Variants in RPN2 observed in about 807,000 individuals in gnomAD.
RPN2 encodes ribophorin II, also known as dolichyl-diphosphooligosaccharide--protein glycosyltransferase subunit 2.
In RPN2, 29 loss-of-function variants were observed where a neutral mutation model predicts 71.4. The ratio of observed to expected loss-of-function variants is 0.41; its 90% confidence interval spans 0.30 to 0.55. RPN2 has a LOEUF of 0.55. RPN2 is among the 20% of genes least tolerant of loss of function. The pLI is 0.35. For missense variants in RPN2, 726 were observed against 774.1 expected, an observed-to-expected ratio of 0.94 and a Z score of 0.74; for synonymous variants, 308 against 305.0, an observed-to-expected ratio of 1.01 and a Z score of -0.10.
rs1386909420 is a variant in RPN2 at position 37,191,894 on chromosome 20, C to G, written c.208-6503C>G. Among the ~76,000 whole-genome samples, 3 of 151,768 alleles carry G rather than the reference C, an allele frequency of 2.0e-5. No homozygotes were observed. The East Asian group carries it at 5.8e-4, about 29-fold the overall frequency. The stretch of plus-strand genomic sequence containing the variant: ...GTCAGGAGTTGGAGACTAGCCTGGG[C>G]AACATAGTGAGACACCCGCCCCCCA... On this transcript the variant is annotated intron_variant, in intron 2 of 16. Coordinates refer to ENST00000237530, the MANE Select transcript of RPN2 (RefSeq NM_002951.5).
Position 37,198,430 on chromosome 20 carries a change from C to G in RPN2, c.241C>G (p.Pro81Ala). Residue 81 changes from proline to alanine, a missense_variant, in exon 3 of 17, where the codon CCC becomes GCC. Transcript: ENST00000237530. ...TACCTACATCAGATCTAACCTTGAT[C>G]CCAGCAATGTGGATTCCCTCTTCTA... The part of the protein sequence containing the change: ...ACTYIRSNLD[P>A]SNVDSLFYAA... The G allele has an allele frequency of 6.2e-7, 1 of 1,614,232 alleles. No individual in the cohort carries two copies. The highest frequency in any genetic ancestry group is 1.3e-5 in the African/African-American group (1 of 75,046).
chr20:37,232,449 A>G (rs2068279131), intron 14 of RPN2, 58 bp downstream of exon 14: 2 of 1,592,790 alleles, frequency 1.3e-6, no homozygotes, highest in South Asian at 2.2e-5. Context: ...CAGCAGATGC[A>G]TTCCTTCCAA....
chr20:37,233,760 A>G (rs2068310651), intron 14 of RPN2, among the ~76,000 whole-genome samples: 1 of 152,246 alleles, frequency 6.6e-6, no homozygotes, highest in Non-Finnish European at 1.5e-5. Flanking sequence ...AGGGTTTGTC[A>G]TCATTAAAAA....
chr20:37,211,428 CA>C (rs2067662834), intron 8 of RPN2, among the ~76,000 whole-genome samples: 1 of 150,774 alleles, frequency 6.6e-6, no homozygotes, highest in Non-Finnish European at 1.5e-5. Context: ...CACTTGAGGT[CA>C]GGAGCTCGAG....
At chr20:37,184,061 G>A (rs969687030) in intron 1 of RPN2, 119 bp from the exon 2 acceptor site, 48 of 1,221,406 alleles carry the variant, frequency 3.9e-5, no homozygotes, top group Middle Eastern at 2.0e-4. Context: ...TAAACCCCTG[G>A]ATTCCCTCGC....
At chr20:37,190,433 T>C (rs897738247) in intron 2 of RPN2, among the ~76,000 whole-genome samples, 4 of 152,220 alleles carry the variant, frequency 2.6e-5, no homozygotes, top group African/African-American at 9.7e-5. Flanking sequence ...ACTTCACACC[T>C]GAGTCACCTG....
intron 15 of RPN2, 63 bp from the exon 16 acceptor site, chr20:37,236,517 T>G: frequency 6.3e-7 from 1 of 1,588,628 alleles, no homozygotes; most frequent in Non-Finnish European, 8.6e-7. Context: ...TGTCTAACTT[T>G]CCTCAACCGC....
chr20:37,182,069 TTC>T (rs1350719369), intron 1 of RPN2, among the ~76,000 whole-genome samples: 3 of 152,098 alleles, frequency 2.0e-5, no homozygotes, highest in Admixed American at 1.3e-4. Context: ...GATAGATTTT[TTC>T]TTTTTTTAAT....
At chr20:37,232,223 G>C (rs2068266670) in intron 13 of RPN2, 73 bp from the exon 14 acceptor site, 1 of 1,566,870 alleles carries the variant, frequency 6.4e-7, no homozygotes, top group African/African-American at 1.4e-5. Flanking sequence ...TTGATGCTTT[G>C]GTCCCCGGTA....
chr20:37,217,081 C>T (rs1354790976), intron 9 of RPN2, among the ~76,000 whole-genome samples: 2 of 151,642 alleles, frequency 1.3e-5, no homozygotes, highest in Non-Finnish European at 2.9e-5. Flanking sequence ...CAGGCATGCA[C>T]CACCATGCCC....
chr20:37,181,827 C>T (rs764178102), intron 1 of RPN2, among the ~76,000 whole-genome samples: 4 of 152,120 alleles, frequency 2.6e-5, no homozygotes, highest in Admixed American at 6.5e-5. Flanking sequence ...CATAGACTAC[C>T]GTATTTAAAA....
At chr20:37,232,862 T>C (rs1167391391) in intron 14 of RPN2, among the ~76,000 whole-genome samples, 1 of 152,168 alleles carries the variant, frequency 6.6e-6, no homozygotes, top group Non-Finnish European at 1.5e-5. Context: ...TGCCAAGATG[T>C]GTTACTGAGT....
At chr20:37,223,765 A>T in intron 9 of RPN2, 113 bp from the exon 10 acceptor site, 1 of 828,152 alleles carries the variant, frequency 1.2e-6, no homozygotes, top group Non-Finnish European at 2.0e-6. Context: ...CTCTTGTTCT[A>T]GGATTTTTTC....
chr20:37,237,914 C>T (rs1036604831), intron 16 of RPN2, among the ~76,000 whole-genome samples: 3 of 152,254 alleles, frequency 2.0e-5, no homozygotes, highest in Admixed American at 1.3e-4. Flanking sequence ...GAAATCTGCC[C>T]GCCATGGTGG....
chr20:37,236,283 A>C (rs190393512), intron 15 of RPN2, among the ~76,000 whole-genome samples: 2 of 151,694 alleles, frequency 1.3e-5, no homozygotes, highest in Admixed American at 6.6e-5. Flanking sequence ...AATAGACACG[A>C]GGTCTCACTG....
chr20:37,227,804 G>A (rs1184927080), intron 11 of RPN2, among the ~76,000 whole-genome samples: 1 of 152,336 alleles, frequency 6.6e-6, no homozygotes, highest in African/African-American at 2.4e-5. Flanking sequence ...CATTAGTGGG[G>A]ATAAAGTGAT....
chr20:37,207,045 C>G (rs1021668883), intron 6 of RPN2, among the ~76,000 whole-genome samples: 2 of 152,026 alleles, frequency 1.3e-5, no homozygotes, highest in Non-Finnish European at 2.9e-5. Flanking sequence ...ACTGACAAAT[C>G]ATGAATTTCA....
intron 2 of RPN2, among the ~76,000 whole-genome samples, chr20:37,185,935 T>C (rs957606951): frequency 1.3e-5 from 2 of 152,240 alleles, no homozygotes; most frequent in African/African-American, 2.4e-5. Flanking sequence ...TCCAGGCCCA[T>C]TCATGTTGTC....
intron 5 of RPN2, 145 bp from the exon 6 acceptor site, chr20:37,204,622 T>G: frequency 4.3e-6 from 4 of 925,646 alleles, no homozygotes; most frequent in Non-Finnish European, 7.1e-6. Context: ...GCACCATTTT[T>G]GAGAAAGTAT....
Sources: allele counts gnomAD v4.1 joint callset (sites outside exome capture counted in the v4.1 genomes callset), GRCh38; gene constraint gnomAD v4.1.1; transcripts MANE v1.5; gene names NCBI Gene and HGNC (gene_info 2026-07-23, HGNC 2026-07-21).